DOCK5: variants seen among roughly 807,000 people sequenced by gnomAD.
DOCK5 encodes dedicator of cytokinesis protein 5.
DOCK5 carries 142 observed loss-of-function variants against 251.8 expected under a neutral mutation model. The ratio of observed to expected loss-of-function variants is 0.56; its 90% CI spans 0.49 to 0.65. The LOEUF (loss-of-function observed/expected upper bound fraction) is 0.65, where lower values mean the gene tolerates loss of function less well. Ranked by LOEUF, DOCK5 falls within the 30% of genes least tolerant of loss-of-function variation. DOCK5 has a pLI of 0.00. For missense variants in DOCK5, 2,111 were observed against 2,312.3 expected, an observed-to-expected ratio of 0.91 and a Z score of 1.79; for synonymous variants, 842 against 835.5, an observed-to-expected ratio of 1.01 and a Z score of -0.13.
intron 1 of DOCK5, among the ~76,000 whole-genome samples, chr8:25,236,684 G>A (rs1481574774): frequency 1.3e-5 from 2 of 151,936 alleles, no homozygotes; most frequent in Admixed American, 6.6e-5. Context: ...AGGTTCAAGC[G>A]ATTCTCCTGC....
At chr8:25,238,912 C>T (rs1366053440) in intron 1 of DOCK5, among the ~76,000 whole-genome samples, 1 of 152,124 alleles carries the variant, frequency 6.6e-6, no homozygotes, top group African/African-American at 2.4e-5. Context: ...AACGAGGGCC[C>T]CAATCATAGG....
intron 37 of DOCK5, chr8:25,374,878 C>T: frequency 7.4e-7 from 1 of 1,354,952 alleles, no homozygotes. Flanking sequence ...CAGAGCACGA[C>T]TTATGAACCT....
At chr8:25,287,164 GA>G (rs1231040424) in intron 5 of DOCK5, among the ~76,000 whole-genome samples, 11 of 151,910 alleles carry the variant, frequency 7.2e-5, no homozygotes, top group Non-Finnish European at 1.2e-4. Context: ...TCTAAAAAAA[GA>G]AAAAAAAGTT....
intron 1 of DOCK5, among the ~76,000 whole-genome samples, chr8:25,210,047 T>TATATAAAA (rs1563309199): frequency 4.0e-5 from 1 of 25,116 alleles, no homozygotes; most frequent in African/African-American, 1.4e-4. Flanking sequence ...TGTGTGTGTG[T>TATATAAAA]GTGTGTGTGT....
intron 2 of DOCK5, among the ~76,000 whole-genome samples, chr8:25,265,342 T>C (rs937836570): frequency 2.0e-5 from 3 of 151,940 alleles, no homozygotes; most frequent in African/African-American, 7.3e-5. Context: ...CCCATTTCAG[T>C]CTCTTGCGCT....
At chr8:25,292,297 A>C in intron 6 of DOCK5, 125 bp downstream of exon 6, 7 of 1,135,796 alleles carry the variant, frequency 6.2e-6, no homozygotes, top group Non-Finnish European at 8.4e-6. Context: ...TACTGCTCTC[A>C]TTTTGTCTTT....
intron 45 of DOCK5, among the ~76,000 whole-genome samples, chr8:25,398,738 A>G (rs1014012640): frequency 2.0e-5 from 3 of 152,156 alleles, no homozygotes; most frequent in African/African-American, 7.2e-5. Context: ...TTTTATAAGG[A>G]CACCAGTCAT....
rs1012212737 is a variant in DOCK5 at position 25,415,703 on chromosome 8, T to A, written c.*4405T>A. Reference sequence around the variant, plus strand: ...ATTTTTTAAATTAAAAATGGAAATGTATTTTAAAGTTTATTGTGTGTTTAG... The same window carrying A: ...ATTTTTTAAATTAAAAATGGAAATGAATTTTAAAGTTTATTGTGTGTTTAG... On this transcript the variant is annotated 3_prime_UTR_variant, in exon 52 of 52. Coordinates refer to ENST00000276440, the MANE Select transcript of DOCK5 (RefSeq NM_024940.8). 6.6e-6 allele frequency: 1 copy of A among 152,246 alleles called. No homozygotes were observed. The highest frequency in any genetic ancestry group is 1.5e-5 in the Non-Finnish European group (1 of 68,044). The allele number at this position is 152,246 out of a possible 1,614,324, so 9.4% of individuals were successfully genotyped here. A position where few individuals can be genotyped will look rare whatever the true frequency, so the allele number is the denominator to read the frequency against.
At chr8:25,272,669 A>T (rs1018790338) in intron 3 of DOCK5, among the ~76,000 whole-genome samples, 1 of 152,116 alleles carries the variant, frequency 6.6e-6, no homozygotes, top group African/African-American at 2.4e-5. Flanking sequence ...CTGCTTTTTT[A>T]TGAGTTTTGG....
rs61732777 is a variant in DOCK5, at chr8:25,296,561, A to G, written c.519A>G (p.Leu173=). ...LVVRDDNGNI[L]DPDETSTIAL... is the part of the protein sequence containing the mutation. Reference sequence around the variant, plus strand: ...TGCGAGATGACAATGGGAACATCCTAGACCCTGACGAAACCAGCACCATTG... The same window carrying G: ...TGCGAGATGACAATGGGAACATCCTGGACCCTGACGAAACCAGCACCATTG... The change falls in exon 7 of 52, where the codon CTA becomes CTG. Residue 173 remains leucine, a synonymous_variant. Coordinates refer to ENST00000276440, the MANE Select transcript of DOCK5 (RefSeq NM_024940.8). The G allele has an allele frequency of 1.2e-3, 1,906 of 1,612,154 alleles. 31 individuals carry two copies. The African/African-American group carries it at 0.023, about 19-fold the overall frequency.
chr8:25,307,689 A>T (rs1804981333), intron 11 of DOCK5, among the ~76,000 whole-genome samples: 1 of 152,132 alleles, frequency 6.6e-6, no homozygotes, highest in Admixed American at 6.5e-5. Flanking sequence ...TCCAGCAACC[A>T]TATCACAGTA....
chr8:25,315,669 G>A (rs556375901), intron 13 of DOCK5, among the ~76,000 whole-genome samples: 7 of 152,314 alleles, frequency 4.6e-5, no homozygotes, highest in African/African-American at 1.7e-4. Flanking sequence ...ATAAATTATT[G>A]CCCACATTTT....
intron 1 of DOCK5, among the ~76,000 whole-genome samples, chr8:25,212,273 G>A (rs1802130911): frequency 1.4e-5 from 1 of 69,698 alleles, no homozygotes; most frequent in African/African-American, 3.2e-5. Flanking sequence ...ATTAACAAGA[G>A]GATCAAGATT....
intron 14 of DOCK5, 74 bp from the exon 15 acceptor site, chr8:25,319,504 G>A: frequency 1.0e-6 from 1 of 1,004,176 alleles, no homozygotes; most frequent in South Asian, 1.5e-5. Context: ...TGAGGGGCTT[G>A]TGCATGGTAT....
intron 1 of DOCK5, among the ~76,000 whole-genome samples, chr8:25,214,396 A>G (rs1802178636): frequency 6.6e-6 from 1 of 152,046 alleles, no homozygotes; most frequent in African/African-American, 2.4e-5. Context: ...GGGTCAAGGG[A>G]TCCTGGGCAC....
At chr8:25,351,650 C>G in intron 26 of DOCK5, 81 bp from the exon 27 acceptor site, 1 of 1,109,724 alleles carries the variant, frequency 9.0e-7, no homozygotes, top group Non-Finnish European at 1.3e-6. Context: ...GATCTAAAGA[C>G]AAAACTCATC....
chr8:25,265,733 A>G lies in DOCK5; in HGVS notation c.128-3112A>G, dbSNP rs576941411. Among the ~76,000 whole-genome samples, 10 of 152,032 alleles carry G rather than the reference A, an allele frequency of 6.6e-5. No homozygotes were observed. The South Asian group carries it at 1.9e-3, about 28-fold the overall frequency. On this transcript the variant is annotated intron_variant, in intron 2 of 51. Coordinates refer to ENST00000276440, the MANE Select transcript of DOCK5 (RefSeq NM_024940.8). ...AGAATGACTGCATGTAGCGAGGAGA[A>G]GAATCAGGGAAGAGATCTGTTGGAC... is the stretch of plus-strand genomic sequence containing the variant.
At position 25,211,889 on chromosome 8, in the gene DOCK5, G is replaced by A. The variant is rs1399088143; in HGVS notation, c.43+26938G>A. 4.4e-5 allele frequency among the ~76,000 whole-genome samples: 3 copies of A among 67,982 alleles called. 1 individual carries two copies. Among genetic ancestry groups the A allele is most frequent in the African/African-American group, 1.0e-4 (3 of 30,098 alleles). 44.6% of individuals were successfully genotyped at this position (67,982 alleles called of 152,430 possible). A position where few individuals can be genotyped will look rare whatever the true frequency, so the allele number is the denominator to read the frequency against. On this transcript the variant is annotated intron_variant, in intron 1 of 51. Transcript: ENST00000276440. ...TAGAAATACAGCTTCCGCCGGGCACGGTGGCTCATGCCTGTAATCCCAGCA... is the reference window on the plus strand; with the variant it reads ...TAGAAATACAGCTTCCGCCGGGCACAGTGGCTCATGCCTGTAATCCCAGCA...
intron 1 of DOCK5, among the ~76,000 whole-genome samples, chr8:25,234,532 A>G (rs1802745480): frequency 6.6e-6 from 1 of 152,200 alleles, no homozygotes; most frequent in Non-Finnish European, 1.5e-5. Context: ...TTTGTTTAAT[A>G]AGGAAGATAT....
Sources: gnomAD v4.1 joint callset for allele counts (sites outside exome capture counted in the v4.1 genomes callset) on GRCh38, gnomAD v4.1.1 for gene constraint, MANE v1.5 for transcripts, NCBI Gene and HGNC (gene_info 2026-07-23, HGNC 2026-07-21) for gene names.